Variants in TTC39C observed in about 807,000 individuals in gnomAD.
TTC39C encodes the protein tetratricopeptide repeat domain 39C, also known as tetratricopeptide repeat protein 39C.
TTC39C carries 33 observed loss-of-function variants against 76.3 expected under a neutral mutation model. That is an observed-to-expected ratio of 0.43 (90% CI 0.33 to 0.58). TTC39C has a LOEUF of 0.58. Among genes scored for constraint, TTC39C ranks in the 20% least tolerant of loss-of-function variants. The probability of loss-of-function intolerance (pLI) is 0.04; values close to 1 mark genes in which losing one functional copy is unlikely to be tolerated. For missense variants in TTC39C, 595 were observed against 701.4 expected, an observed-to-expected ratio of 0.85 and a Z score of 1.71; for synonymous variants, 254 against 260.6, an observed-to-expected ratio of 0.97 and a Z score of 0.24.
At chr18:23,995,378 G>A (rs941391773) in intron 1 of TTC39C, among the ~76,000 whole-genome samples, 2 of 152,090 alleles carry the variant, frequency 1.3e-5, no homozygotes, top group East Asian at 1.9e-4. Context: ...GCTGAGGCAC[G>A]AAAATCACGC....
At chr18:24,058,248 C>T (rs755506175) in intron 1 of TTC39C, among the ~76,000 whole-genome samples, 11 of 152,124 alleles carry the variant, frequency 7.2e-5, no homozygotes, top group Admixed American at 6.5e-5. Flanking sequence ...CATTTGTACA[C>T]CAAACATCTG....
At chr18:24,097,060 C>T (rs1419603100) in intron 6 of TTC39C, among the ~76,000 whole-genome samples, 2 of 152,194 alleles carry the variant, frequency 1.3e-5, no homozygotes, top group Non-Finnish European at 2.9e-5. Context: ...GAAATTCTCA[C>T]AAAATTGGCC....
In TTC39C at chr18:24,131,112, G is replaced by C. The variant is rs146359683; in HGVS notation, c.1623+695G>C. On this transcript the variant is annotated intron_variant, in intron 12 of 13. Coordinates refer to ENST00000317571, the MANE Select transcript of TTC39C (RefSeq NM_001135993.2). ...GTGCCTGTAGTCCCAGTTAACCTGGGGGGCTGAGGTGAGAGGATCTCTGGA... is the reference window on the plus strand; with the variant it reads ...GTGCCTGTAGTCCCAGTTAACCTGGCGGGCTGAGGTGAGAGGATCTCTGGA... Among the ~76,000 whole-genome samples, 58 of 149,512 alleles carry C rather than the reference G, an allele frequency of 3.9e-4. 1 individual carries two copies. The highest frequency in any genetic ancestry group is 1.1e-3 in the African/African-American group (45 of 40,554).
At chr18:24,100,335 T>TCACCCCTGGAGGC (rs1225963630) in intron 6 of TTC39C, among the ~76,000 whole-genome samples, 13 of 152,242 alleles carry the variant, frequency 8.5e-5, no homozygotes, top group Non-Finnish European at 1.8e-4. Flanking sequence ...GGTTTAGGGC[T>TCACCCCTGGAGGC]CACCCCTGGA....
chr18:24,033,353 G>A (rs547847432), intron 1 of TTC39C, among the ~76,000 whole-genome samples: 52 of 152,272 alleles, frequency 3.4e-4, no homozygotes, highest in Admixed American at 9.2e-4. Flanking sequence ...TCTTTGACTT[G>A]TAGTTACCAT....
At chr18:24,046,564 T>C (rs561685644) in intron 1 of TTC39C, among the ~76,000 whole-genome samples, 4 of 151,920 alleles carry the variant, frequency 2.6e-5, no homozygotes, top group African/African-American at 9.7e-5. Context: ...ACCTTAGTTA[T>C]GACTTTTTGT....
chr18:23,995,835 A>G (rs1834153309), intron 1 of TTC39C, among the ~76,000 whole-genome samples: 2 of 152,212 alleles, frequency 1.3e-5, no homozygotes, highest in Admixed American at 6.5e-5. Flanking sequence ...ACACCACTGC[A>G]CTCAAGTCTG....
Position 24,038,522 on chromosome 18 carries a change from A to G in TTC39C, c.167+23484A>G, listed in dbSNP as rs144284690. 7.7e-3 allele frequency among the ~76,000 whole-genome samples: 1,165 copies of G among 152,264 alleles called. 9 individuals carry two copies. Among genetic ancestry groups the G allele is most frequent in the Admixed American group, 0.013 (198 of 15,304 alleles). ...AGTCTTGAACTCCTGGGCTCAAGCA[A>G]TCCGTCCGCCTTGGCCTCCCAAAGT... On this transcript the variant is annotated intron_variant, in intron 1 of 13. Coordinates refer to ENST00000317571, the MANE Select transcript of TTC39C (RefSeq NM_001135993.2).
chr18:24,071,796 C>G (rs185534409), intron 4 of TTC39C, among the ~76,000 whole-genome samples: 1 of 152,224 alleles, frequency 6.6e-6, no homozygotes, highest in East Asian at 1.9e-4. Flanking sequence ...ATCTTTACAG[C>G]CTTTGCCTAT....
In TTC39C at chr18:24,069,371, T is replaced by C. The variant is rs1285928504; in HGVS notation, c.460+100T>C. 6 of 949,074 alleles carry C rather than the reference T, an allele frequency of 6.3e-6. No homozygotes were observed. The Admixed American group carries it at 1.1e-4, about 17-fold the overall frequency. The allele number at this position is 949,074 out of a possible 1,614,324, so 58.8% of individuals were successfully genotyped here. On this transcript the variant is annotated intron_variant, in intron 4 of 13. Transcript: ENST00000317571. ...CCTTATATTTCAGTCTTTGAACACA[T>C]GTGGCACCTCTTTGGGGCATGATAC...
intron 1 of TTC39C, among the ~76,000 whole-genome samples, chr18:24,016,004 C>A (rs2083450752): frequency 6.6e-6 from 1 of 152,084 alleles, no homozygotes; most frequent in Non-Finnish European, 1.5e-5. Flanking sequence ...CTATGGAGAC[C>A]CTGTAGTTTG....
intron 4 of TTC39C, 78 bp from the exon 5 acceptor site, chr18:24,080,507 C>A (rs2084362837): frequency 9.0e-7 from 1 of 1,116,460 alleles, no homozygotes; most frequent in Admixed American, 2.7e-5. Context: ...TTTCAGGTTA[C>A]TGTTCAGTAT....
At chr18:24,067,428 C>T (rs558964859) in intron 3 of TTC39C, among the ~76,000 whole-genome samples, 2 of 152,264 alleles carry the variant, frequency 1.3e-5, no homozygotes, top group South Asian at 2.1e-4. Context: ...GCCATGGACC[C>T]GTACTGGTCT....
At position 24,132,619 on chromosome 18, in the gene TTC39C, AC is replaced by A. The variant is rs1223918715; in HGVS notation, c.*46del. 6.5e-7 allele frequency: 1 copy of A among 1,536,436 alleles called. No individual in the cohort carries two copies. The highest frequency in any genetic ancestry group is 8.9e-7 in the Non-Finnish European group (1 of 1,121,490). On this transcript the variant is annotated 3_prime_UTR_variant, in exon 14 of 14. Coordinates refer to ENST00000317571, the MANE Select transcript of TTC39C (RefSeq NM_001135993.2). ...CCGTCCCTCCCCACCCAGGGTCCGC[AC>A]TTTAAAATAAAAGCAGAGGACAAAG... is the stretch of plus-strand genomic sequence containing the variant.
intron 5 of TTC39C, among the ~76,000 whole-genome samples, chr18:24,081,714 T>C (rs2145760036): frequency 6.6e-6 from 1 of 152,326 alleles, no homozygotes; most frequent in East Asian, 1.9e-4. Context: ...ATGTTAACTC[T>C]TAATCAACTG....
intron 6 of TTC39C, among the ~76,000 whole-genome samples, chr18:24,102,830 C>T (rs753087482): frequency 3.9e-5 from 6 of 152,124 alleles, no homozygotes; most frequent in Non-Finnish European, 4.4e-5. Context: ...TTACCTAGGC[C>T]GGTGTGCTGG....
At chr18:24,098,413 C>CCTCCCTCT (rs1357322954) in intron 6 of TTC39C, among the ~76,000 whole-genome samples, 4 of 99,800 alleles carry the variant, frequency 4.0e-5, no homozygotes, top group African/African-American at 1.4e-4. Context: ...TCCCTCCCTC[C>CCTCCCTCT]CTCCTTCCTT....
intron 6 of TTC39C, among the ~76,000 whole-genome samples, chr18:24,111,191 C>T (rs1038990308): frequency 2.0e-5 from 3 of 151,998 alleles, no homozygotes; most frequent in East Asian, 1.9e-4. Context: ...GGGGTTTCAC[C>T]GTGTTAGCCA....
At chr18:24,112,034 A>G (rs370783441) in intron 6 of TTC39C, among the ~76,000 whole-genome samples, 10 of 152,220 alleles carry the variant, frequency 6.6e-5, no homozygotes, top group Non-Finnish European at 8.8e-5. Context: ...CTGTAGTTCT[A>G]CTTGCTCTCG....
Sources: allele counts gnomAD v4.1 joint callset (sites outside exome capture counted in the v4.1 genomes callset), GRCh38; gene constraint gnomAD v4.1.1; transcripts MANE v1.5; gene names NCBI Gene and HGNC (gene_info 2026-07-23, HGNC 2026-07-21).